TTN: variants seen among roughly 807,000 people sequenced by gnomAD.
The protein encoded by TTN is connectin.
TTN carries 1,525 observed loss-of-function variants against 3,223.0 expected under a neutral mutation model. The observed-to-expected ratio is 0.47, with a 90% CI of 0.45 to 0.49. The LOEUF is 0.49. Among genes scored for constraint, TTN ranks in the 20% least tolerant of loss-of-function variants. The probability of loss-of-function intolerance (pLI) is 0.00; values close to 1 mark genes in which losing one functional copy is unlikely to be tolerated. For synonymous variants in TTN, 14,094 were observed against 15,161.0 expected, an observed-to-expected ratio of 0.93 and a Z score of 5.17; for missense variants, 40,786 against 43,424.0, an observed-to-expected ratio of 0.94 and a Z score of 5.40.
In TTN at chr2:178,595,719, C is replaced by T. The variant is rs761511119; in HGVS notation, c.57635G>A (p.Gly19212Glu). The change falls in exon 295 of 363, where the codon GGA becomes GAA. Residue 19212 changes from glycine (G) to glutamate (E), a missense_variant. Transcript: ENST00000589042. ...GACATAATTGGTGATTGGAGAGCCT[C>T]CATCATCTTCTGGAGAAAACCATGT... ...KLTWFSPEDD[G>E]GSPITNYVIE... 3 of 1,608,588 alleles carry T rather than the reference C, an allele frequency of 1.9e-6. No homozygotes were observed. Among genetic ancestry groups the T allele is most frequent in the Non-Finnish European group, 2.5e-6 (3 of 1,177,614 alleles).
At chr2:178,762,078 C>T (rs1391875084) in intron 43 of TTN, among the ~76,000 whole-genome samples, 1 of 152,104 alleles carries the variant, frequency 6.6e-6, no homozygotes, top group Non-Finnish European at 1.5e-5. Context: ...AGTATTACAA[C>T]CCCCAAGAAC....
chr2:178,536,558 C>T lies in TTN; in HGVS notation c.100189G>A (p.Gly33397Ser). The T allele has an allele frequency of 1.3e-6, 2 of 1,496,348 alleles. No individual in the cohort carries two copies. Among genetic ancestry groups the T allele is most frequent in the Non-Finnish European group, 1.8e-6 (2 of 1,127,746 alleles). 92.7% of individuals were successfully genotyped at this position (1,496,348 alleles called of 1,614,324 possible). A position where few individuals can be genotyped will look rare whatever the true frequency, so the allele number is the denominator to read the frequency against. The change falls in exon 357 of 363, where the codon GGC becomes AGC. Residue 33397 changes from glycine (G) to serine (S), a missense_variant. Gly to Ser is a moderately conservative substitution (Grantham distance 56). Coordinates refer to ENST00000589042, the MANE Select transcript of TTN (RefSeq NM_001267550.2). ...GTGACAGCAGTAATAGTTGGTTTGC[C>T]AGGAGCACCTGGCTTTTCTATTAAA... is the stretch of plus-strand genomic sequence containing the variant. ...KSPFEKPGAP[G>S]KPTITAVTKD...
chr2:178,773,579 C>G lies in TTN; in HGVS notation c.7477G>C (p.Ala2493Pro). ...EQIKPDDRVQ[A>P]IVKGTKQRLV... ...CGCTGTTTAGTACCTTTCACAATGGCCTGTACACGGTCATCAGGCTTGATT... is the reference window on the plus strand; with the variant it reads ...CGCTGTTTAGTACCTTTCACAATGGGCTGTACACGGTCATCAGGCTTGATT... Residue 2493 changes from alanine to proline, a missense_variant, in exon 32 of 363, where the codon GCC becomes CCC. Physicochemically the swap from Ala to Pro is conservative, Grantham distance 27. Transcript: ENST00000589042. 1.2e-6 allele frequency: 2 copies of G among 1,614,024 alleles called. No individual in the cohort carries two copies. The highest frequency in any genetic ancestry group is 1.7e-6 in the Non-Finnish European group (2 of 1,179,956).
chr2:178,728,337 G>A lies in TTN; in HGVS notation c.19487C>T (p.Ser6496Phe), dbSNP rs376604816. 11 of 1,611,546 alleles carry A rather than the reference G, an allele frequency of 6.8e-6. No homozygotes were observed. Among genetic ancestry groups the A allele is most frequent in the East Asian group, 4.5e-5 (2 of 44,724 alleles). ...CACCTTGCACTCCATATGAATAGAA[G>A]AGCCCAGAACTTTATCCATTTTGGT... The part of the protein sequence containing the change: ...KLTKMDKVLG[S>F]SIHMECKVSG... The change falls in exon 67 of 363, where the codon TCT becomes TTT. Residue 6496 changes from serine (S) to phenylalanine (F), a missense_variant. Transcript: ENST00000589042.
rs1286991556 is a variant in TTN, at chr2:178,724,303, A to G, written c.21072T>C (p.Asn7024=). The G allele has an allele frequency of 6.2e-7, 1 of 1,613,480 alleles. No homozygotes were observed. The highest frequency in any genetic ancestry group is 8.5e-7 in the Non-Finnish European group (1 of 1,179,614). Residue 7024 remains asparagine (N), a synonymous_variant, in exon 72 of 363, where the codon AAT becomes AAC. Transcript: ENST00000589042. Reference sequence around the variant, plus strand: ...CTGTGCAGCTGCTTTTCCCAACATTATTTTGAACCTGGAAAGTGTATGTGC... The same window carrying G: ...CTGTGCAGCTGCTTTTCCCAACATTGTTTTGAACCTGGAAAGTGTATGTGC... ...DAGTYTFQVQ[N]NVGKSSCTAV...
rs1176305373 is a variant in TTN at position 178,528,508 on chromosome 2, A to G, written c.107223+20T>C. The G allele has an allele frequency of 1.3e-6, 2 of 1,596,634 alleles. No individual in the cohort carries two copies. The highest frequency in any genetic ancestry group is 1.7e-6 in the Non-Finnish European group (2 of 1,170,878). On this transcript the variant is annotated intron_variant, in intron 360 of 362. Transcript: ENST00000589042. ...GGTATTTTAGTTTTTCTTCAATAATATATTCATAATTAAACTTACTGGCAG... is the reference window on the plus strand; with the variant it reads ...GGTATTTTAGTTTTTCTTCAATAATGTATTCATAATTAAACTTACTGGCAG...
intron 43 of TTN, among the ~76,000 whole-genome samples, chr2:178,759,701 T>C (rs968645066): frequency 2.6e-5 from 4 of 152,224 alleles, no homozygotes; most frequent in African/African-American, 4.8e-5. Context: ...TCTCTATCTT[T>C]GTTACTAATG....
chr2:178,680,940 T>C, intron 138 of TTN, 139 bp downstream of exon 138: 1 of 763,150 alleles, frequency 1.3e-6, no homozygotes, highest in Non-Finnish European at 2.0e-6. Flanking sequence ...TTATCCTGTA[T>C]TTACACATTT....
chr2:178,610,098 T>A lies in TTN; in HGVS notation c.51428A>T (p.Asp17143Val). 1 of 1,612,724 alleles carries A rather than the reference T, an allele frequency of 6.2e-7. No individual in the cohort carries two copies. The highest frequency in any genetic ancestry group is 8.5e-7 in the Non-Finnish European group (1 of 1,179,250). Residue 17143 changes from aspartate (D) to valine (V), a missense_variant, in exon 271 of 363, where the codon GAT becomes GTT. Physicochemically the swap from Asp to Val is radical, Grantham distance 152 (BLOSUM62 -3). Transcript: ENST00000589042. ...TCCATGTCCAAACTTACGCTTTGGATCTTGAGCAATGACTGGATTTTTCAG... is the reference window on the plus strand; with the variant it reads ...TCCATGTCCAAACTTACGCTTTGGAACTTGAGCAATGACTGGATTTTTCAG... ...IELKNPVIAQ[D>V]PKQPPDPPVD... is the part of the protein sequence containing the mutation.
chr2:178,553,701 C>A lies in TTN; in HGVS notation c.89304G>T (p.Gly29768=), dbSNP rs2154152198. 2 of 1,613,838 alleles carry A rather than the reference C, an allele frequency of 1.2e-6. No individual in the cohort carries two copies. The highest frequency in any genetic ancestry group is 8.5e-7 in the Non-Finnish European group (1 of 1,179,808). Reference sequence around the variant, plus strand: ...CTCCTTGTCTTATCTCGACAACATACCCAGTAACAGCACTGCCCCCATCAT... The same window carrying A: ...CTCCTTGTCTTATCTCGACAACATAACCAGTAACAGCACTGCCCCCATCAT... ...PVYDGGSAVT[G]YVVEIRQGEE... Residue 29768 remains glycine (G), a synonymous_variant, in exon 334 of 363, where the codon GGG becomes GGT. Transcript: ENST00000589042.
intron 149 of TTN, 54 bp from the exon 150 acceptor site, chr2:178,675,167 T>C (rs373435426): frequency 4.6e-5 from 57 of 1,232,262 alleles, no homozygotes; most frequent in Non-Finnish European, 6.1e-5. Context: ...CAAAGAAGAA[T>C]AAAGACCACG....
chr2:178,584,323 C>G lies in TTN; in HGVS notation c.65228G>C (p.Ser21743Thr). 1 of 1,602,206 alleles carries G rather than the reference C, an allele frequency of 6.2e-7. No homozygotes were observed. The highest frequency in any genetic ancestry group is 8.5e-7 in the Non-Finnish European group (1 of 1,171,490). ...RIYALNKAGS[S>T]PPSKPTEYVT... ...ATATTCTGTGGGTTTGCTGGGTGGGCTGGATCCAGCTTTGTTTAGGGCATA... is the reference window on the plus strand; with the variant it reads ...ATATTCTGTGGGTTTGCTGGGTGGGGTGGATCCAGCTTTGTTTAGGGCATA... The change falls in exon 311 of 363, where the codon AGC (serine) becomes ACC (threonine). Residue 21743 changes from serine (S) to threonine (T), a missense_variant. Coordinates refer to ENST00000589042, the MANE Select transcript of TTN (RefSeq NM_001267550.2).
At chr2:178,726,164 C>T in intron 69 of TTN, 118 bp from the exon 70 acceptor site, 2 of 1,186,892 alleles carry the variant, frequency 1.7e-6, no homozygotes, top group Non-Finnish European at 2.3e-6. Flanking sequence ...AAGTAGAGTC[C>T]AGCACTAACA....
intron 6 of TTN, among the ~76,000 whole-genome samples, chr2:178,798,281 T>C (rs901500472): frequency 6.6e-6 from 1 of 152,146 alleles, no homozygotes; most frequent in African/African-American, 2.4e-5. Flanking sequence ...TAAACACTTC[T>C]TTGCTCAAAT....
chr2:178,549,730 T>A lies in TTN; in HGVS notation c.91992A>T (p.Arg30664Ser). 1 of 1,613,754 alleles carries A rather than the reference T, an allele frequency of 6.2e-7. No individual in the cohort carries two copies. ...HYIIEKRETS[R>S]LAWALIEDKC... ...TATCCTCAATTAGTGCCCAGGCAAG[T>A]CTGCTGGTTTCCCGTTTTTCAATGA... The change falls in exon 338 of 363, where the codon AGA becomes AGT. Residue 30664 changes from arginine to serine, a missense_variant. Transcript: ENST00000589042.
chr2:178,622,998 G>T (rs1476486174), intron 242 of TTN, among the ~76,000 whole-genome samples: 1 of 151,880 alleles, frequency 6.6e-6, no homozygotes, highest in Non-Finnish European at 1.5e-5. Context: ...CAACTAGTGT[G>T]CATGTGTGTG....
rs1560262245 is a variant in TTN at position 178,672,635 on chromosome 2, C to T, written c.34855G>A (p.Val11619Met). The T allele has an allele frequency of 6.2e-7, 1 of 1,611,536 alleles. No individual in the cohort carries two copies. Among genetic ancestry groups the T allele is most frequent in the Non-Finnish European group, 8.5e-7 (1 of 1,178,470 alleles). The change falls in exon 153 of 363, where the codon GTG becomes ATG. Residue 11619 changes from valine to methionine, a missense_variant and splice_region_variant. Val to Met is a conservative substitution (Grantham distance 21, BLOSUM62 1). Coordinates refer to ENST00000589042, the MANE Select transcript of TTN (RefSeq NM_001267550.2). The part of the protein sequence containing the change: ...VQKKEAPPAK[V>M]PEVPKKVPEK... ...GTCAGGTTTAAAAGAGAAGATGTAC[C>T]TTTGGCTGGGGGTGCCTCTTTTTTC...
At position 178,586,679 on chromosome 2, in the gene TTN, C is replaced by T; in HGVS notation, c.64222G>A (p.Glu21408Lys). ...GTCCAGCGATCTGCAGGCTGCTCTT[C>T]TTCTCTGTAACTAGTGATGTAGCCA... Reference protein sequence around the residue: ...IDGYITSYREEEQPADRWTEY... With the variant: ...IDGYITSYREKEQPADRWTEY... The change falls in exon 308 of 363, where the codon GAA becomes AAA. Residue 21408 changes from glutamate (E) to lysine (K), a missense_variant. Physicochemically the swap from Glu to Lys is moderately conservative, Grantham distance 56 (BLOSUM62 1). Transcript: ENST00000589042. 1 of 1,613,190 alleles carries T rather than the reference C, an allele frequency of 6.2e-7. No homozygotes were observed. The highest frequency in any genetic ancestry group is 8.5e-7 in the Non-Finnish European group (1 of 1,179,396).
In TTN at chr2:178,560,695, A is replaced by G; in HGVS notation, c.85437T>C (p.Gly28479=). ...CGATGTAATAGTCGATATCTGCACC[A>G]CCATCTTCTTGGGGACGTCCCCAGG... ...SLSWGRPQED[G]GADIDYYIVE... The change falls in exon 326 of 363, where the codon GGT becomes GGC. Residue 28479 remains glycine (G), a synonymous_variant. Coordinates refer to ENST00000589042, the MANE Select transcript of TTN (RefSeq NM_001267550.2). 1 of 1,613,610 alleles carries G rather than the reference A, an allele frequency of 6.2e-7. No individual in the cohort carries two copies. Among genetic ancestry groups the G allele is most frequent in the Non-Finnish European group, 8.5e-7 (1 of 1,179,768 alleles).
Sources: gnomAD v4.1 joint callset for allele counts (sites outside exome capture counted in the v4.1 genomes callset) on GRCh38, gnomAD v4.1.1 for gene constraint, MANE v1.5 for transcripts, NCBI Gene and HGNC (gene_info 2026-07-23, HGNC 2026-07-21) for gene names.